The following COTL1 variants were observed in gnomAD, a reference collection of about 807,000 sequenced individuals.
COTL1 encodes the protein coactosin-like protein.
In COTL1, 15 loss-of-function variants were observed where a neutral mutation model predicts 16.5. That is an observed-to-expected ratio of 0.91 (90% CI 0.61 to 1.40). COTL1 has a LOEUF of 1.40. COTL1 is among the 40% of genes most tolerant of loss of function. COTL1 has a pLI of 0.00. For missense variants in COTL1, 220 were observed against 201.5 expected (o/e 1.09, Z -0.56); for synonymous variants, 112 against 85.3 (o/e 1.31, Z -1.73).
At chr16:84,586,808 C>T (rs987085520) in intron 3 of COTL1, among the ~76,000 whole-genome samples, 1 of 151,930 alleles carries the variant, frequency 6.6e-6, no homozygotes, top group Non-Finnish European at 1.5e-5. Context: ...CCAGGCTGGT[C>T]TCGAACTCCT....
In COTL1 at chr16:84,589,294, C is replaced by T. The variant is rs553228176; in HGVS notation, c.318+811G>A. Among the ~76,000 whole-genome samples the T allele has an allele frequency of 5.3e-5, 8 of 152,176 alleles. No individual in the cohort carries two copies. The East Asian group carries it at 1.5e-3, about 29-fold the overall frequency. On this transcript the variant is annotated intron_variant, in intron 3 of 3. Coordinates refer to ENST00000262428, the MANE Select transcript of COTL1 (RefSeq NM_021149.5). Reference sequence around the variant, plus strand: ...CCCAGCTGAGTCTATTGTTTTTAAACGTTTGTTTTATCATGGACCAATTAC... The same window carrying T: ...CCCAGCTGAGTCTATTGTTTTTAAATGTTTGTTTTATCATGGACCAATTAC...
At chr16:84,607,214 G>C (rs1370434621) in intron 2 of COTL1, among the ~76,000 whole-genome samples, 1 of 152,206 alleles carries the variant, frequency 6.6e-6, no homozygotes, top group Non-Finnish European at 1.5e-5. Flanking sequence ...GGGCATCCGA[G>C]CAGAGGGAAC....
intron 2 of COTL1, chr16:84,595,422 C>T (rs1294909572): frequency 6.6e-6 from 1 of 152,234 alleles, no homozygotes; most frequent in Non-Finnish European, 1.5e-5. Flanking sequence ...TTGCAGCTGC[C>T]CGGCAGACTG....
intron 3 of COTL1, among the ~76,000 whole-genome samples, chr16:84,585,370 A>AAT: frequency 6.6e-6 from 1 of 150,856 alleles, no homozygotes; most frequent in African/African-American, 2.4e-5. Flanking sequence ...AAAAAAAAAA[A>AAT]TCGCCCCCCT....
At chr16:84,604,532 G>A (rs1008910632) in intron 2 of COTL1, among the ~76,000 whole-genome samples, 2 of 152,070 alleles carry the variant, frequency 1.3e-5, no homozygotes, top group African/African-American at 4.8e-5. Flanking sequence ...CCCAGCACGA[G>A]TGCCCAGCAG....
In COTL1 at chr16:84,590,635, G is replaced by A. The variant is rs1358242811; in HGVS notation, c.161-373C>T. 6.6e-6 allele frequency among the ~76,000 whole-genome samples: 1 copy of A among 152,172 alleles called. No individual in the cohort carries two copies. Among genetic ancestry groups the A allele is most frequent in the African/African-American group, 2.4e-5 (1 of 41,424 alleles). On this transcript the variant is annotated intron_variant, in intron 2 of 3. Transcript: ENST00000262428. The surrounding 1 kb of genome is among the most constrained non-coding windows in gnomAD (Gnocchi z 5.5). Reference sequence around the variant, plus strand: ...ACAATCAAGGCTCAAAGTCTGGGTGGGCCCATTGCACAGATGTGGGTGCCG... The same window carrying A: ...ACAATCAAGGCTCAAAGTCTGGGTGAGCCCATTGCACAGATGTGGGTGCCG...
chr16:84,605,045 C>T (rs1021374139), intron 2 of COTL1, among the ~76,000 whole-genome samples: 6 of 152,208 alleles, frequency 3.9e-5, no homozygotes, highest in Non-Finnish European at 1.5e-5. Flanking sequence ...GAGCATTGCT[C>T]CCCAGACACA....
intron 2 of COTL1, among the ~76,000 whole-genome samples, chr16:84,598,963 G>A (rs188254345): frequency 6.6e-6 from 1 of 151,872 alleles, no homozygotes; most frequent in Non-Finnish European, 1.5e-5. Context: ...GGCTAGGGAG[G>A]GGGGTAAAGG....
At chr16:84,581,791 C>G (rs1296579768) in intron 3 of COTL1, among the ~76,000 whole-genome samples, 1 of 152,026 alleles carries the variant, frequency 6.6e-6, no homozygotes, top group Non-Finnish European at 1.5e-5. Context: ...AGGCATGAGC[C>G]ACTGCGCTCA....
intron 3 of COTL1, among the ~76,000 whole-genome samples, chr16:84,574,980 C>T (rs4783023): frequency 2.6e-5 from 4 of 151,560 alleles, no homozygotes; most frequent in Non-Finnish European, 5.9e-5. Flanking sequence ...CTATTTGCCA[C>T]GCTGGATTTT....
At chr16:84,570,231 G>C (rs181101652) in intron 3 of COTL1, among the ~76,000 whole-genome samples, 5 of 152,292 alleles carry the variant, frequency 3.3e-5, no homozygotes, top group African/African-American at 9.6e-5. Context: ...AGCCAAGATG[G>C]CGCCACTGCA....
At chr16:84,582,708 T>A (rs542306649) in intron 3 of COTL1, among the ~76,000 whole-genome samples, 51 of 152,350 alleles carry the variant, frequency 3.3e-4, no homozygotes, top group Admixed American at 5.9e-4. Context: ...GGCATCAAAA[T>A]GGAGAAGCCC....
At chr16:84,614,140 G>A (rs1258697249) in intron 2 of COTL1, among the ~76,000 whole-genome samples, 1 of 152,242 alleles carries the variant, frequency 6.6e-6, no homozygotes, top group Non-Finnish European at 1.5e-5. Context: ...AGAGGCCACA[G>A]TGGATTTTCT....
chr16:84,591,290 T>A (rs975062690), intron 2 of COTL1, among the ~76,000 whole-genome samples: 5 of 151,700 alleles, frequency 3.3e-5, no homozygotes, highest in Admixed American at 2.6e-4. Flanking sequence ...TTCACACCAT[T>A]CTCCTGCCTC....
chr16:84,578,550 G>A (rs1904502963), intron 3 of COTL1, among the ~76,000 whole-genome samples: 1 of 152,156 alleles, frequency 6.6e-6, no homozygotes, highest in African/African-American at 2.4e-5. Flanking sequence ...CTCCACGCCA[G>A]GGAACTCACC....
chr16:84,567,365 G>A (rs1367183391), intron 3 of COTL1: 1 of 160,088 alleles, frequency 6.2e-6, no homozygotes, highest in African/African-American at 2.4e-5. Context: ...CGGGTGTGCA[G>A]GCACTCCAAA....
intron 2 of COTL1, among the ~76,000 whole-genome samples, chr16:84,597,815 G>T (rs568663738): frequency 2.0e-5 from 3 of 152,086 alleles, no homozygotes; most frequent in African/African-American, 7.2e-5. Context: ...TCCTGAGCAC[G>T]CCCATCAAAG....
Position 84,566,928 on chromosome 16 carries a change from C to T in COTL1, c.346G>A (p.Asp116Asn). Residue 116 changes from aspartate (D) to asparagine (N), a missense_variant, in exon 4 of 4, where the codon GAT (aspartate) becomes AAT (asparagine). Physicochemically the swap from Asp to Asn is conservative, Grantham distance 23. Transcript: ENST00000262428. ...AAATCTTCCTCCAGCTCCTTCCGAT[C>T]ACTGATCACAAACTCCTTAGCGAAA... is the stretch of plus-strand genomic sequence containing the variant. ...QNFAKEFVIS[D>N]RKELEEDFIK... 3.7e-6 allele frequency: 6 copies of T among 1,613,958 alleles called. No homozygotes were observed. The highest frequency in any genetic ancestry group is 5.1e-6 in the Non-Finnish European group (6 of 1,179,838).
At chr16:84,612,653 C>T (rs1425059751) in intron 2 of COTL1, among the ~76,000 whole-genome samples, 7 of 152,142 alleles carry the variant, frequency 4.6e-5, no homozygotes, top group Non-Finnish European at 8.8e-5. Flanking sequence ...TGTGGTGGCA[C>T]ATGCCTGTAG....
Sources: allele counts gnomAD v4.1 joint callset (sites outside exome capture counted in the v4.1 genomes callset), GRCh38; gene constraint gnomAD v4.1.1; non-coding constraint Gnocchi (gnomAD v3.1); transcripts MANE v1.5; gene names NCBI Gene and HGNC (gene_info 2026-07-23, HGNC 2026-07-21).